Variants in PRKG1 observed in about 807,000 individuals in gnomAD.
PRKG1 encodes the protein cGMP-dependent protein kinase 1.
Under a neutral mutation model 88.1 loss-of-function variants are expected in PRKG1, and 35 were observed. The observed-to-expected ratio is 0.40, with a 90% CI of 0.30 to 0.53. The LOEUF (loss-of-function observed/expected upper bound fraction) is 0.53. Among genes scored for constraint, PRKG1 ranks in the 20% least tolerant of loss-of-function variants. The probability of loss-of-function intolerance (pLI) is 0.59; values close to 1 mark genes in which losing one functional copy is unlikely to be tolerated. For missense variants in PRKG1, 540 were observed against 839.8 expected, an observed-to-expected ratio of 0.64 and a Z score of 4.41; for synonymous variants, 303 against 292.5, an observed-to-expected ratio of 1.04 and a Z score of -0.37.
chr10:52,170,282 T>C (rs1358517090), intron 9 of PRKG1, among the ~76,000 whole-genome samples: 1 of 152,206 alleles, frequency 6.6e-6, no homozygotes, highest in Non-Finnish European at 1.5e-5. Context: ...CTTGTTCTGT[T>C]CTGCTCTCCT....
At position 52,293,788 on chromosome 10, in the gene PRKG1, T is replaced by C; in HGVS notation, c.1963-14T>C. ...AAAAAAATCCACTAAAAAAAACCTG[T>C]CCATTTTTTACAGGTTGCATCACCC... On this transcript the variant is annotated splice_polypyrimidine_tract_variant and intron_variant, in intron 17 of 17. Coordinates refer to ENST00000373980, the MANE Select transcript of PRKG1 (RefSeq NM_006258.4). 6.2e-7 allele frequency: 1 copy of C among 1,601,148 alleles called. No individual in the cohort carries two copies. Among genetic ancestry groups the C allele is most frequent in the Non-Finnish European group, 8.5e-7 (1 of 1,172,708 alleles).
intron 1 of PRKG1, among the ~76,000 whole-genome samples, chr10:51,038,706 C>A (rs1295124605): frequency 6.6e-6 from 1 of 152,156 alleles, no homozygotes; most frequent in African/African-American, 2.4e-5. Context: ...TTTGTATATA[C>A]CACCTCTTCT....
intron 1 of PRKG1, among the ~76,000 whole-genome samples, chr10:51,136,408 T>A (rs2131946256): frequency 6.6e-6 from 1 of 152,168 alleles, no homozygotes; most frequent in Admixed American, 6.5e-5. Flanking sequence ...CATCCTCAGC[T>A]TATAGATAGT....
intron 6 of PRKG1, among the ~76,000 whole-genome samples, chr10:52,059,447 T>C (rs933310263): frequency 1.3e-5 from 2 of 151,606 alleles, no homozygotes; most frequent in Non-Finnish European, 3.0e-5. Context: ...AAAATATTAG[T>C]CAGCAATAAA....
rs368810326 is a variant in PRKG1, at chr10:51,007,650, C to G, written c.266+16006C>G. ...AACATCTTTGACCTTCAATTTCCCCCGTAAATGAGAATAAGAAGGCCCACC... is the reference window on the plus strand; with the variant it reads ...AACATCTTTGACCTTCAATTTCCCCGGTAAATGAGAATAAGAAGGCCCACC... On this transcript the variant is annotated intron_variant, in intron 1 of 17. Transcript: ENST00000401604. Among the ~76,000 whole-genome samples the G allele has an allele frequency of 5.9e-5, 9 of 152,234 alleles. No individual in the cohort carries two copies. In the East Asian group the frequency reaches 1.7e-3, roughly 29 times the overall value.
intron 3 of PRKG1, among the ~76,000 whole-genome samples, chr10:51,468,994 T>A (rs538355380): frequency 6.6e-6 from 1 of 151,962 alleles, no homozygotes; most frequent in East Asian, 1.9e-4. Flanking sequence ...GAGTCTTCCT[T>A]GGCAGTTGAT....
intron 1 of PRKG1, among the ~76,000 whole-genome samples, chr10:51,049,304 G>C (rs564031997): frequency 2.0e-4 from 30 of 152,238 alleles, no homozygotes; most frequent in African/African-American, 7.2e-4. Flanking sequence ...ACCACACTTA[G>C]GAATGTGCAC....
chr10:51,092,684 T>A (rs1194031051), intron 1 of PRKG1, among the ~76,000 whole-genome samples: 1 of 152,094 alleles, frequency 6.6e-6, no homozygotes, highest in Non-Finnish European at 1.5e-5. Context: ...CTTGCTTTCT[T>A]ATTGTGCGGG....
At chr10:52,263,104 T>C (rs548882339) in intron 10 of PRKG1, among the ~76,000 whole-genome samples, 1 of 152,236 alleles carries the variant, frequency 6.6e-6, no homozygotes, top group Non-Finnish European at 1.5e-5. Flanking sequence ...TTCATGATCC[T>C]AATTTTTTAA....
chr10:51,917,034 T>G (rs958848052), intron 5 of PRKG1, among the ~76,000 whole-genome samples: 21 of 152,230 alleles, frequency 1.4e-4, no homozygotes, highest in African/African-American at 4.8e-4. Context: ...ATTAAGAGTG[T>G]GGGCTGGGCA....
At chr10:51,901,712 G>C (rs1396198129) in intron 4 of PRKG1, among the ~76,000 whole-genome samples, 1 of 152,102 alleles carries the variant, frequency 6.6e-6, no homozygotes, top group African/African-American at 2.4e-5. Context: ...TGAATGATTT[G>C]TCTCAAAATG....
At chr10:52,245,754 TTTATTTATTTA>T (rs1841006205) in intron 9 of PRKG1, among the ~76,000 whole-genome samples, 36 of 4,764 alleles carry the variant, frequency 7.6e-3, no homozygotes, top group African/African-American at 0.011. Context: ...CACCATTTTA[TTTATTTATTTA>T]TTTATTTATT....
At chr10:51,781,724 A>G (rs567749876) in intron 3 of PRKG1, among the ~76,000 whole-genome samples, 2 of 152,234 alleles carry the variant, frequency 1.3e-5, no homozygotes, top group South Asian at 4.1e-4. Flanking sequence ...GGGCAGGAAA[A>G]GTAGGCTGTA....
At chr10:51,692,032 G>C (rs1248961871) in intron 3 of PRKG1, among the ~76,000 whole-genome samples, 1 of 152,112 alleles carries the variant, frequency 6.6e-6, no homozygotes, top group African/African-American at 2.4e-5. Flanking sequence ...TTTGGATATA[G>C]GCTTAGCCAA....
At chr10:51,960,764 G>A (rs570043551) in intron 5 of PRKG1, among the ~76,000 whole-genome samples, 30 of 152,236 alleles carry the variant, frequency 2.0e-4, no homozygotes, top group African/African-American at 7.0e-4. Context: ...GCTCAAGCTT[G>A]TCATTTAGAA....
intron 7 of PRKG1, among the ~76,000 whole-genome samples, chr10:52,064,221 T>C (rs1846303570): frequency 6.6e-6 from 1 of 152,116 alleles, no homozygotes; most frequent in Admixed American, 6.5e-5. Flanking sequence ...TTCCCTCCTA[T>C]GCTCATTGGC....
At chr10:51,373,691 C>T (rs1842750269) in intron 2 of PRKG1, among the ~76,000 whole-genome samples, 1 of 152,100 alleles carries the variant, frequency 6.6e-6, no homozygotes, top group Admixed American at 6.6e-5. Context: ...GTGGTACATA[C>T]ACACCACAGA....
chr10:51,585,982 A>G (rs1161202788), intron 3 of PRKG1, among the ~76,000 whole-genome samples: 1 of 152,036 alleles, frequency 6.6e-6, no homozygotes, highest in Non-Finnish European at 1.5e-5. Context: ...TAGAGTGGGG[A>G]GGTAGGGCAA....
rs1840191428 is a variant in PRKG1 at position 51,278,393 on chromosome 10, A to C, written c.478+125063A>C. ...GAGGATTTTTGCATCAGTGTTCATC[A>C]GGGATATTGGTCTAAAATTCTCTTT... On this transcript the variant is annotated intron_variant, in intron 2 of 17. Transcript: ENST00000373980. Among the ~76,000 whole-genome samples, 5 of 152,164 alleles carry C rather than the reference A, an allele frequency of 3.3e-5. 1 individual carries two copies. Among genetic ancestry groups the C allele is most frequent in the Admixed American group, 3.3e-4 (5 of 15,270 alleles).
Sources: gnomAD v4.1 joint callset for allele counts (sites outside exome capture counted in the v4.1 genomes callset) on GRCh38, gnomAD v4.1.1 for gene constraint, MANE v1.5 for transcripts, NCBI Gene and HGNC (gene_info 2026-07-23, HGNC 2026-07-21) for gene names.